PCNX2: variants seen among roughly 807,000 people sequenced by gnomAD.
PCNX2 encodes pecanex-like protein 2.
A neutral mutation model predicts 223.8 loss-of-function variants in PCNX2; 168 were observed. The observed-to-expected ratio is 0.75, with a 90% CI of 0.66 to 0.85. PCNX2 has a LOEUF of 0.85. Ranked by LOEUF, PCNX2 falls within the 40% of genes least tolerant of loss-of-function variation. The probability of loss-of-function intolerance (pLI) is 0.00; values close to 1 mark genes in which losing one functional copy is unlikely to be tolerated. For synonymous variants in PCNX2, 1,006 were observed against 1,052.6 expected (o/e 0.96, Z 0.86); for missense variants, 2,507 against 2,675.5 (o/e 0.94, Z 1.39).
At chr1:233,265,273 G>A (rs1660268628) in intron 1 of PCNX2, among the ~76,000 whole-genome samples, 1 of 151,862 alleles carries the variant, frequency 6.6e-6, no homozygotes, top group Admixed American at 6.6e-5. Flanking sequence ...ATATTCAAGA[G>A]ATTGTTGAAT....
At chr1:233,254,505 G>T (rs1022628678) in intron 5 of PCNX2, among the ~76,000 whole-genome samples, 4 of 151,924 alleles carry the variant, frequency 2.6e-5, no homozygotes, top group Admixed American at 6.6e-5. Flanking sequence ...CATATGGACG[G>T]TTTTTTTCCT....
chr1:233,090,941 G>A (rs1673842094), intron 22 of PCNX2, among the ~76,000 whole-genome samples: 1 of 152,194 alleles, frequency 6.6e-6, no homozygotes, highest in Non-Finnish European at 1.5e-5. Flanking sequence ...GATCCTTGGT[G>A]ATTAGTCGCG....
intron 1 of PCNX2, chr1:233,289,208 T>C (rs941619319): frequency 5.9e-6 from 5 of 854,558 alleles, no homozygotes; most frequent in Admixed American, 1.7e-5. Context: ...CCAATTCACA[T>C]ACTAGCCGGA....
chr1:233,308,478 GAAAAAGAA>G, the PCNX2 span, among the ~76,000 whole-genome samples: 1 of 148,280 alleles, frequency 6.7e-6, no homozygotes, highest in Admixed American at 6.9e-5. Flanking sequence ...AAAAAAGAAA[GAAAAAGAA>G]AAAGAAAAAG....
chr1:233,146,061 G>A (rs936427291), intron 19 of PCNX2, among the ~76,000 whole-genome samples: 4 of 152,074 alleles, frequency 2.6e-5, no homozygotes, highest in South Asian at 2.1e-4. Flanking sequence ...TCAGAAATAC[G>A]GTCCCAAGCA....
At chr1:233,122,357 C>A (rs1675851956) in intron 21 of PCNX2, among the ~76,000 whole-genome samples, 1 of 152,208 alleles carries the variant, frequency 6.6e-6, no homozygotes, top group Middle Eastern at 3.4e-3. Flanking sequence ...TGAAACATAA[C>A]TTCCCATTCC....
chr1:233,235,857 C>A (rs143348201), intron 9 of PCNX2, among the ~76,000 whole-genome samples: 21 of 150,558 alleles, frequency 1.4e-4, no homozygotes, highest in African/African-American at 3.4e-4. Flanking sequence ...CCACCTTGGC[C>A]TCCCAAAGTG....
intron 28 of PCNX2, among the ~76,000 whole-genome samples, chr1:233,012,188 T>C (rs1232044083): frequency 6.6e-6 from 1 of 152,222 alleles, no homozygotes; most frequent in Non-Finnish European, 1.5e-5. Flanking sequence ...AAACAGTATC[T>C]ATAAAAATTA....
At chr1:233,315,159 G>A in the PCNX2 span, among the ~76,000 whole-genome samples, 3 of 152,172 alleles carry the variant, frequency 2.0e-5, no homozygotes, top group Non-Finnish European at 4.4e-5. Context: ...GATTCAAACA[G>A]AGCAGTCATA....
At chr1:233,261,393 ACTGAC>A (rs1370225446) in intron 3 of PCNX2, 72 bp from the exon 4 acceptor site, 2 of 1,385,466 alleles carry the variant, frequency 1.4e-6, no homozygotes, top group Admixed American at 3.4e-5. Flanking sequence ...GTCGGCAATA[ACTGAC>A]AGCAGTCACT....
rs1407915703 is a variant in PCNX2 at position 233,258,932 on chromosome 1, G to A, written c.930C>T (p.Ser310=). 1 of 1,613,934 alleles carries A rather than the reference G, an allele frequency of 6.2e-7. No individual in the cohort carries two copies. The highest frequency in any genetic ancestry group is 1.1e-5 in the South Asian group (1 of 91,076). The change falls in exon 5 of 34, where the codon AGC becomes AGT. Residue 310 remains serine, a synonymous_variant. Transcript: ENST00000258229. ...QSKSPQDSLS[S]SCPQCDTIVA... is the part of the protein sequence containing the mutation. The stretch of plus-strand genomic sequence containing the variant: ...CGATGGTGTCACATTGAGGGCAGCT[G>A]CTGCTCAGGCTGTCCTGAGGTGACT...
At chr1:233,084,524 G>A (rs1001505239) in intron 23 of PCNX2, among the ~76,000 whole-genome samples, 7 of 152,142 alleles carry the variant, frequency 4.6e-5, no homozygotes, top group South Asian at 2.1e-4. Context: ...TTCATCTAGC[G>A]CTGTAGGTCT....
chr1:233,041,352 C>A (rs1306820196), intron 25 of PCNX2, among the ~76,000 whole-genome samples: 1 of 152,150 alleles, frequency 6.6e-6, no homozygotes, highest in Non-Finnish European at 1.5e-5. Flanking sequence ...CTCCAAAATC[C>A]GAAACCTTTT....
chr1:233,208,867 A>AG (rs1346745620), intron 12 of PCNX2, among the ~76,000 whole-genome samples, 178 bp from the exon 13 acceptor site: 1 of 150,384 alleles, frequency 6.6e-6, no homozygotes, highest in African/African-American at 2.4e-5. Context: ...AAAAAAGAAA[A>AG]GAAAAAAAAA....
At chr1:233,014,045 C>A (rs1236708124) in intron 28 of PCNX2, among the ~76,000 whole-genome samples, 1 of 152,152 alleles carries the variant, frequency 6.6e-6, no homozygotes, top group Non-Finnish European at 1.5e-5. Context: ...AGCAGTTTGG[C>A]ATGAGTACTG....
At chr1:233,294,058 T>C (rs1661928351) in intron 1 of PCNX2, 2 of 922,914 alleles carry the variant, frequency 2.2e-6, no homozygotes, top group South Asian at 1.0e-4. Flanking sequence ...TTTTGGTTAA[T>C]TTTTCTGTGA....
intron 9 of PCNX2, among the ~76,000 whole-genome samples, chr1:233,232,045 G>A (rs1243980706): frequency 6.6e-6 from 1 of 152,180 alleles, no homozygotes; most frequent in African/African-American, 2.4e-5. Flanking sequence ...ACATACAAGT[G>A]GAATGTGAAT....
rs1366260378 is a variant in PCNX2 at position 232,999,093 on chromosome 1, G to A, written c.5603+12C>T. 6.9e-6 allele frequency: 11 copies of A among 1,590,818 alleles called. No individual in the cohort carries two copies. The highest frequency in any genetic ancestry group is 8.6e-6 in the Non-Finnish European group (10 of 1,165,096). On this transcript the variant is annotated intron_variant, in intron 31 of 33. Coordinates refer to ENST00000258229, the MANE Select transcript of PCNX2 (RefSeq NM_014801.4). ...CAGCATCTGGACAGAGGCATTTGTT[G>A]TAAAAACTTACCTTACCCACTTGGT...
intron 8 of PCNX2, among the ~76,000 whole-genome samples, chr1:233,247,873 G>A (rs1383833097): frequency 7.7e-5 from 5 of 64,596 alleles, no homozygotes; most frequent in Non-Finnish European, 1.4e-4. Flanking sequence ...GCAAAACTCC[G>A]TCTCAAAAAA....
Sources: allele counts gnomAD v4.1 joint callset (sites outside exome capture counted in the v4.1 genomes callset), GRCh38; gene constraint gnomAD v4.1.1; transcripts MANE v1.5; gene names NCBI Gene and HGNC (gene_info 2026-07-23, HGNC 2026-07-21).